The following KIRREL3 variants were observed in gnomAD, a reference collection of about 807,000 sequenced individuals.
The protein encoded by KIRREL3 is kirre like nephrin family adhesion molecule 3.
KIRREL3 carries 36 observed loss-of-function variants against 89.7 expected under a neutral mutation model. The observed-to-expected ratio is 0.40, with a 90% CI of 0.31 to 0.53. KIRREL3 has a LOEUF of 0.53. Ranked by LOEUF, KIRREL3 falls within the 20% of genes least tolerant of loss-of-function variation. The pLI is 0.49. For missense variants in KIRREL3, 864 were observed against 1,056.6 expected (o/e 0.82, Z 2.53); for synonymous variants, 445 against 441.4 (o/e 1.01, Z -0.10).
At chr11:126,919,541 C>G (rs1278790890) in intron 1 of KIRREL3, among the ~76,000 whole-genome samples, 2 of 152,232 alleles carry the variant, frequency 1.3e-5, no homozygotes, top group Non-Finnish European at 2.9e-5. Context: ...TGCAACACAT[C>G]AGAGACAAGC....
At chr11:126,450,358 T>TGTGTGCATGTGTGA (rs763501725) in intron 7 of KIRREL3, among the ~76,000 whole-genome samples, 1 of 150,776 alleles carries the variant, frequency 6.6e-6, no homozygotes, top group Non-Finnish European at 1.5e-5. Context: ...TCCATGTGCA[T>TGTGTGCATGTGTGA]GTGTGCATGT....
rs1958671900 is a variant in KIRREL3 at position 126,523,927 on chromosome 11, A to T, written c.284-2463T>A. On this transcript the variant is annotated intron_variant, in intron 3 of 16. Coordinates refer to ENST00000525144, the MANE Select transcript of KIRREL3 (RefSeq NM_032531.4). The surrounding 1 kb of genome is among the most constrained non-coding windows in gnomAD (Gnocchi z 4.9). Reference sequence around the variant, plus strand: ...TGGGTTTGTTTGTATTTGCCTAATTAGGCAGTGAGCTGTGATGCTATCCCA... The same window carrying T: ...TGGGTTTGTTTGTATTTGCCTAATTTGGCAGTGAGCTGTGATGCTATCCCA... Among the ~76,000 whole-genome samples the T allele has an allele frequency of 6.6e-6, 1 of 152,218 alleles. No individual in the cohort carries two copies. Among genetic ancestry groups the T allele is most frequent in the Non-Finnish European group, 1.5e-5 (1 of 68,036 alleles).
At chr11:126,737,817 C>T (rs57058046) in intron 1 of KIRREL3, among the ~76,000 whole-genome samples, 30,010 of 152,098 alleles carry the variant, frequency 0.2, 3,084 homozygotes, top group African/African-American at 0.23. Flanking sequence ...ATGGTCAAAT[C>T]GGGATAACTG....
At chr11:126,661,409 G>A (rs959644414) in intron 1 of KIRREL3, among the ~76,000 whole-genome samples, 1 of 152,230 alleles carries the variant, frequency 6.6e-6, no homozygotes, top group African/African-American at 2.4e-5. Context: ...AAATAACGAC[G>A]AGAGATGAAT....
At chr11:126,959,264 T>A (rs1949012068) in intron 1 of KIRREL3, among the ~76,000 whole-genome samples, 1 of 151,920 alleles carries the variant, frequency 6.6e-6, no homozygotes, top group African/African-American at 2.4e-5. Flanking sequence ...AGTAATTCTC[T>A]TTCTCATCTA....
chr11:126,899,777 GT>G (rs1946299840), intron 1 of KIRREL3, among the ~76,000 whole-genome samples: 1 of 152,234 alleles, frequency 6.6e-6, no homozygotes, highest in Non-Finnish European at 1.5e-5. Flanking sequence ...TGCCCCTGAA[GT>G]TCTGTAACAA....
chr11:126,728,508 C>G (rs929166414), intron 1 of KIRREL3, among the ~76,000 whole-genome samples: 2 of 152,130 alleles, frequency 1.3e-5, no homozygotes, highest in African/African-American at 4.8e-5. Context: ...AAGCACCCTG[C>G]CTGGCCCCTG....
chr11:126,824,064 C>A (rs1489148935), intron 1 of KIRREL3, among the ~76,000 whole-genome samples: 5 of 152,184 alleles, frequency 3.3e-5, no homozygotes, highest in East Asian at 3.8e-4. Context: ...GACTCTAGGG[C>A]CCCTGAACAA....
rs1328103727 is a variant in KIRREL3, at chr11:126,799,168, GTGTA to G, written c.55+201283_55+201286del. Among the ~76,000 whole-genome samples the G allele has an allele frequency of 2.7e-3, 225 of 82,602 alleles. 3 individuals are homozygous for G. The highest frequency in any genetic ancestry group is 0.011 in the African/African-American group (214 of 19,248). 54.2% of individuals were successfully genotyped at this position (82,602 alleles called of 152,430 possible). ...TGTGCATGTGCGTATCTGTATGTGT[GTGTA>G]TGTGTGTACCTATGGGTATCTGTGT... is the stretch of plus-strand genomic sequence containing the variant. On this transcript the variant is annotated intron_variant, in intron 1 of 16. Transcript: ENST00000525144.
rs1949677478 is a variant in KIRREL3, at chr11:126,761,946, A to AG, written c.56-199035dup. On this transcript the variant is annotated intron_variant, in intron 1 of 16. Coordinates refer to ENST00000525144, the MANE Select transcript of KIRREL3 (RefSeq NM_032531.4). The surrounding 1 kb of genome is among the most constrained non-coding windows in gnomAD (Gnocchi z 4.4). ...GTAATCCCAACACTTTGGGAGGCCGAGGGGGGCAGATCACCTGAGGTCAGG... is the reference window on the plus strand; with the variant it reads ...GTAATCCCAACACTTTGGGAGGCCGAGGGGGGGCAGATCACCTGAGGTCAGG... 6.6e-6 allele frequency among the ~76,000 whole-genome samples: 1 copy of AG among 152,238 alleles called. No individual in the cohort carries two copies. Among genetic ancestry groups the AG allele is most frequent in the East Asian group, 1.9e-4 (1 of 5,186 alleles).
intron 4 of KIRREL3, among the ~76,000 whole-genome samples, chr11:126,511,869 GA>G (rs1958233358): frequency 6.6e-6 from 1 of 152,374 alleles, no homozygotes; most frequent in Admixed American, 6.5e-5. Flanking sequence ...GCTGAGGTCG[GA>G]ACGGAGAAGC....
At chr11:126,617,390 C>T (rs1207753644) in intron 1 of KIRREL3, among the ~76,000 whole-genome samples, 1 of 152,208 alleles carries the variant, frequency 6.6e-6, no homozygotes, top group African/African-American at 2.4e-5. Flanking sequence ...GTATCTAGGT[C>T]ATGGGTAAAC....
chr11:126,816,779 G>A (rs1951586832), intron 1 of KIRREL3, among the ~76,000 whole-genome samples: 1 of 152,170 alleles, frequency 6.6e-6, no homozygotes, highest in Non-Finnish European at 1.5e-5. Context: ...TGTTGTTACA[G>A]ACCAAAGCCA....
chr11:126,575,195 A>C lies in KIRREL3; in HGVS notation c.56-12283T>G, dbSNP rs1478205119. Among the ~76,000 whole-genome samples, 1 of 152,180 alleles carries C rather than the reference A, an allele frequency of 6.6e-6. No individual in the cohort carries two copies. The highest frequency in any genetic ancestry group is 1.5e-5 in the Non-Finnish European group (1 of 68,036). Reference sequence around the variant, plus strand: ...TAAGCTAAGAAGCCCGGGGAGTAGGAAGTTCTATGCTACCCTGGCTTGAAG... The same window carrying C: ...TAAGCTAAGAAGCCCGGGGAGTAGGCAGTTCTATGCTACCCTGGCTTGAAG... On this transcript the variant is annotated intron_variant, in intron 1 of 16. Coordinates refer to ENST00000525144, the MANE Select transcript of KIRREL3 (RefSeq NM_032531.4). This position sits in a 1 kb window ranked among gnomAD's most constrained non-coding sequence, Gnocchi z 7.0.
chr11:126,680,262 T>G (rs141559366), intron 1 of KIRREL3, among the ~76,000 whole-genome samples: 1 of 152,160 alleles, frequency 6.6e-6, no homozygotes, highest in East Asian at 1.9e-4. Context: ...ATATGATTCA[T>G]CCTCCTAGCC....
intron 1 of KIRREL3, among the ~76,000 whole-genome samples, chr11:126,599,411 T>G (rs930971645): frequency 2.6e-5 from 4 of 152,146 alleles, no homozygotes; most frequent in African/African-American, 9.7e-5. Flanking sequence ...TCTTCTCTGT[T>G]CTCTTTAACT....
intron 11 of KIRREL3, among the ~76,000 whole-genome samples, chr11:126,438,402 T>C (rs1955441201): frequency 6.6e-6 from 1 of 152,244 alleles, no homozygotes; most frequent in African/African-American, 2.4e-5. Context: ...TCAAGCTTGC[T>C]GCTATTGTCA....
chr11:126,637,361 C>T (rs1944306662), intron 1 of KIRREL3, among the ~76,000 whole-genome samples: 1 of 152,136 alleles, frequency 6.6e-6, no homozygotes, highest in Non-Finnish European at 1.5e-5. Context: ...AATGCTATTA[C>T]CGACACTATC....
At position 126,948,775 on chromosome 11, in the gene KIRREL3, C is replaced by T. The variant is rs892150451; in HGVS notation, c.55+51680G>A. On this transcript the variant is annotated intron_variant, in intron 1 of 16. Coordinates refer to ENST00000525144, the MANE Select transcript of KIRREL3 (RefSeq NM_032531.4). This position sits in a 1 kb window ranked among gnomAD's most constrained non-coding sequence, Gnocchi z 4.5. ...GGTACAATGGTTAGTTCAACTCCAG[C>T]AAGGCAGACAGCTGGATATGGGGAG... Among the ~76,000 whole-genome samples the T allele has an allele frequency of 6.6e-6, 1 of 152,178 alleles. No homozygotes were observed. The highest frequency in any genetic ancestry group is 1.5e-5 in the Non-Finnish European group (1 of 68,032).
Sources: gnomAD v4.1 joint callset for allele counts (sites outside exome capture counted in the v4.1 genomes callset) on GRCh38, gnomAD v4.1.1 for gene constraint, Gnocchi (gnomAD v3.1) non-coding constraint, MANE v1.5 for transcripts, NCBI Gene and HGNC (gene_info 2026-07-23, HGNC 2026-07-21) for gene names.